Variants in AMPH observed in about 807,000 individuals in gnomAD.
AMPH encodes amphiphysin (Stiff-Mann syndrome with breast cancer 128kD autoantigen).
AMPH carries 49 observed loss-of-function variants against 99.1 expected under a neutral mutation model. The observed-to-expected ratio is 0.49, with a 90% CI of 0.39 to 0.63. The LOEUF (loss-of-function observed/expected upper bound fraction) is 0.63, where lower values mean the gene tolerates loss of function less well. Ranked by LOEUF, AMPH falls within the 20% of genes least tolerant of loss-of-function variation. AMPH has a pLI of 0.00. For synonymous variants in AMPH, 314 were observed against 317.3 expected (o/e 0.99, Z 0.11); for missense variants, 759 against 863.4 (o/e 0.88, Z 1.52).
intron 19 of AMPH, among the ~76,000 whole-genome samples, chr7:38,390,392 GTTTCTTTTCC>G (rs1784454608): frequency 6.6e-6 from 1 of 152,020 alleles, no homozygotes; most frequent in Non-Finnish European, 1.5e-5. Context: ...ATGGCAACCA[GTTTCTTTTCC>G]TTTCCCATTT....
chr7:38,605,321 T>C (rs529178244), intron 1 of AMPH, among the ~76,000 whole-genome samples: 1 of 152,176 alleles, frequency 6.6e-6, no homozygotes, highest in African/African-American at 2.4e-5. Context: ...ACACATGAAA[T>C]GATGGAAAAG....
At chr7:38,436,694 T>C (rs960918410) in intron 11 of AMPH, among the ~76,000 whole-genome samples, 2 of 152,178 alleles carry the variant, frequency 1.3e-5, no homozygotes, top group African/African-American at 4.8e-5. Flanking sequence ...TATCCTAATA[T>C]ACCAAGATGC....
chr7:38,492,861 T>C (rs1201383011), intron 4 of AMPH, among the ~76,000 whole-genome samples: 1 of 152,246 alleles, frequency 6.6e-6, no homozygotes, highest in African/African-American at 2.4e-5. Context: ...TATTTTTTTG[T>C]GATGAATTTT....
intron 7 of AMPH, among the ~76,000 whole-genome samples, chr7:38,472,037 A>G: frequency 6.6e-6 from 1 of 152,170 alleles, no homozygotes; most frequent in East Asian, 1.9e-4. Context: ...AGACTTCAAT[A>G]TCTCACTTTC....
At chr7:38,476,815 G>A (rs1003104761) in intron 6 of AMPH, 47 bp downstream of exon 6, 67 of 1,401,982 alleles carry the variant, frequency 4.8e-5, no homozygotes, top group Non-Finnish European at 6.8e-5. Flanking sequence ...AGCTGCAACA[G>A]GTCATAAAAT....
chr7:38,415,739 T>A (rs973096249), intron 17 of AMPH, among the ~76,000 whole-genome samples: 10 of 152,040 alleles, frequency 6.6e-5, no homozygotes, highest in African/African-American at 2.4e-4. Flanking sequence ...TTAGTTAACA[T>A]TGTTACTATT....
intron 7 of AMPH, among the ~76,000 whole-genome samples, chr7:38,466,949 A>T (rs917207021): frequency 6.6e-6 from 1 of 152,212 alleles, no homozygotes; most frequent in Non-Finnish European, 1.5e-5. Context: ...TTAAATTTCT[A>T]TACCTACAGT....
At chr7:38,597,962 T>C (rs1225671153) in intron 1 of AMPH, among the ~76,000 whole-genome samples, 3 of 152,226 alleles carry the variant, frequency 2.0e-5, no homozygotes, top group Admixed American at 6.5e-5. Flanking sequence ...TTATTTTATC[T>C]TCCTCACATT....
At position 38,422,434 on chromosome 7, in the gene AMPH, A is replaced by G; in HGVS notation, c.1259T>C (p.Met420Thr). The change falls in exon 16 of 21, where the codon ATG (methionine) becomes ACG (threonine). Residue 420 changes from methionine (M) to threonine (T), a missense_variant. By Grantham distance (81) the Met-to-Thr change is moderately conservative. Transcript: ENST00000356264. ...SLFTMQTDQS[M>T]ICNLAESEQA... ...AAATCAACTTACCAAGTTGCAGATC[A>G]TACTCTGGTCTGTCTGCATTGTGAA... is the stretch of plus-strand genomic sequence containing the variant. 6.2e-7 allele frequency: 1 copy of G among 1,613,328 alleles called. No individual in the cohort carries two copies. Among genetic ancestry groups the G allele is most frequent in the Non-Finnish European group, 8.5e-7 (1 of 1,179,466 alleles).
Position 38,407,074 on chromosome 7 carries a change from A to G in AMPH, c.1398+10751T>C, listed in dbSNP as rs868119858. Among the ~76,000 whole-genome samples the G allele has an allele frequency of 1.9e-3, 61 of 32,268 alleles. 1 individual carries two copies. Among genetic ancestry groups the G allele is most frequent in the South Asian group, 4.8e-3 (3 of 620 alleles). The allele number at this position is 32,268 out of a possible 152,430, so 21.2% of individuals were successfully genotyped here. ...TATATATATATATATATATATATAT[A>G]TATGTGTGTGTGTGTGTGTGTGTGT... On this transcript the variant is annotated intron_variant, in intron 17 of 20. Transcript: ENST00000356264.
intron 2 of AMPH, 44 bp from the exon 3 acceptor site, chr7:38,503,748 T>C: frequency 6.3e-7 from 1 of 1,588,106 alleles, no homozygotes; most frequent in Non-Finnish European, 8.6e-7. Flanking sequence ...GTCTATATTC[T>C]GCATGAAAAC....
intron 1 of AMPH, among the ~76,000 whole-genome samples, chr7:38,576,726 T>A (rs1032777114): frequency 1.3e-5 from 2 of 152,186 alleles, no homozygotes; most frequent in Non-Finnish European, 2.9e-5. Context: ...CCCAGACTCA[T>A]GCCTGAGAGA....
At chr7:38,619,456 A>G (rs543836809) in intron 1 of AMPH, among the ~76,000 whole-genome samples, 1 of 152,268 alleles carries the variant, frequency 6.6e-6, no homozygotes, top group East Asian at 1.9e-4. Flanking sequence ...AATACTGAAG[A>G]CTCCAATACC....
At chr7:38,631,127 G>C (rs1046210358) in intron 1 of AMPH, among the ~76,000 whole-genome samples, 156 bp downstream of exon 1, 1 of 151,720 alleles carries the variant, frequency 6.6e-6, no homozygotes, top group Non-Finnish European at 1.5e-5. Flanking sequence ...GGCAGTCACC[G>C]AGCTGAGGGC....
At chr7:38,436,811 T>C (rs1786283697) in intron 11 of AMPH, among the ~76,000 whole-genome samples, 1 of 152,216 alleles carries the variant, frequency 6.6e-6, no homozygotes, top group Non-Finnish European at 1.5e-5. Context: ...ACTGCTGATG[T>C]TCTTCTGGGA....
At chr7:38,420,221 C>T (rs1210131275) in intron 16 of AMPH, among the ~76,000 whole-genome samples, 1 of 151,974 alleles carries the variant, frequency 6.6e-6, no homozygotes, top group African/African-American at 2.4e-5. Context: ...AATCAGCTAC[C>T]CAAATTTAGA....
intron 2 of AMPH, among the ~76,000 whole-genome samples, chr7:38,521,062 A>G (rs1308013463): frequency 6.6e-6 from 1 of 152,236 alleles, no homozygotes; most frequent in African/African-American, 2.4e-5. Context: ...AGTACTATGA[A>G]TGTGAGAGAA....
At chr7:38,576,526 G>A (rs116280409) in intron 1 of AMPH, among the ~76,000 whole-genome samples, 2,110 of 152,182 alleles carry the variant, frequency 0.014, 44 homozygotes, top group African/African-American at 0.048. Flanking sequence ...CCAGGAAATC[G>A]TATGTTAAGT....
intron 1 of AMPH, among the ~76,000 whole-genome samples, chr7:38,552,597 G>A (rs370820117): frequency 9.2e-5 from 14 of 152,142 alleles, no homozygotes; most frequent in African/African-American, 3.1e-4. Context: ...TCAGGGTCCT[G>A]AAGACCACTT....
Sources: allele counts gnomAD v4.1 joint callset (sites outside exome capture counted in the v4.1 genomes callset), GRCh38; gene constraint gnomAD v4.1.1; transcripts MANE v1.5; gene names NCBI Gene and HGNC (gene_info 2026-07-23, HGNC 2026-07-21).